ZFC3H1: variants seen among roughly 807,000 people sequenced by gnomAD.
The protein encoded by ZFC3H1 is zinc finger C3H1 domain-containing protein.
ZFC3H1 carries 71 observed loss-of-function variants against 243.7 expected under a neutral mutation model. The observed-to-expected ratio is 0.29, with a 90% CI of 0.24 to 0.36. The LOEUF (loss-of-function observed/expected upper bound fraction) is 0.36. ZFC3H1 is among the 10% of genes least tolerant of loss of function. ZFC3H1 has a pLI of 1.00. For synonymous variants in ZFC3H1, 838 were observed against 813.0 expected, an observed-to-expected ratio of 1.03 and a Z score of -0.52; for missense variants, 1,966 against 2,317.1, an observed-to-expected ratio of 0.85 and a Z score of 3.11.
rs1880164113 is a variant in ZFC3H1 at position 71,626,265 on chromosome 12, A to C, written c.4312T>G (p.Trp1438Gly). 1 of 1,613,330 alleles carries C rather than the reference A, an allele frequency of 6.2e-7. No individual in the cohort carries two copies. The highest frequency in any genetic ancestry group is 8.5e-7 in the Non-Finnish European group (1 of 1,179,722). ...VEYAPDYQSF[W>G]TFLHLESTFE... is the part of the protein sequence containing the mutation. ...ACGTTATCTTTTCTACTCACAGTCCAAAAGCTTTGATAATCTGGAGCATAT... is the reference window on the plus strand; with the variant it reads ...ACGTTATCTTTTCTACTCACAGTCCCAAAGCTTTGATAATCTGGAGCATAT... The change falls in exon 22 of 35, where the codon TGG becomes GGG. Residue 1438 changes from tryptophan to glycine, a missense_variant. Trp to Gly is a radical substitution (Grantham distance 184). Around this residue, in one of 4 missense-constraint regions of ZFC3H1, gnomAD observed 1,383 missense variants for 1,723.7 expected, o/e 0.80. Transcript: ENST00000378743.
intron 33 of ZFC3H1, 64 bp downstream of exon 33, chr12:71,610,994 A>C: frequency 1.3e-6 from 2 of 1,566,986 alleles, no homozygotes; most frequent in South Asian, 1.2e-5. Flanking sequence ...TAAATTGAGA[A>C]GTCAACAAAA....
Position 71,611,921 on chromosome 12 carries a change from T to C in ZFC3H1, c.5628-34A>G, listed in dbSNP as rs758669399. 1.5e-5 allele frequency: 21 copies of C among 1,429,914 alleles called. No individual in the cohort carries two copies. Among genetic ancestry groups the C allele is most frequent in the East Asian group, 2.5e-5 (1 of 40,698 alleles). The allele number at this position is 1,429,914 out of a possible 1,614,324, so 88.6% of individuals were successfully genotyped here. A position where few individuals can be genotyped will look rare whatever the true frequency, so the allele number is the denominator to read the frequency against. ...TACATTCAGGAAAATGAACAAAGCA[T>C]TGCAAGTGTAACGAACCCCAAATGT... On this transcript the variant is annotated intron_variant, in intron 31 of 34. Transcript: ENST00000378743.
At chr12:71,639,295 T>C (rs1054551203) in intron 6 of ZFC3H1, 1 of 159,664 alleles carries the variant, frequency 6.3e-6, no homozygotes, top group African/African-American at 2.4e-5. Context: ...CCACATGCCT[T>C]ATATGGGGTT....
intron 19 of ZFC3H1, among the ~76,000 whole-genome samples, chr12:71,629,327 C>T (rs1413887937): frequency 2.0e-5 from 3 of 151,700 alleles, no homozygotes; most frequent in African/African-American, 4.8e-5. Flanking sequence ...CACCACCACC[C>T]GGCTAATTTT....
chr12:71,657,044 C>T lies in ZFC3H1; in HGVS notation c.856G>A (p.Ala286Thr). The stretch of plus-strand genomic sequence containing the variant: ...TTGACTTGTGTTTTCTCCTCAGGAG[C>T]TACTTCTTTACTTGAATCCTTTGTA... ...SITKDSSKEV[A>T]PEEKTQVKTF... The change falls in exon 2 of 35, where the codon GCT (alanine) becomes ACT (threonine). Residue 286 changes from alanine (A) to threonine (T), a missense_variant. Physicochemically the swap from Ala to Thr is moderately conservative, Grantham distance 58 (BLOSUM62 0). Coordinates refer to ENST00000378743, the MANE Select transcript of ZFC3H1 (RefSeq NM_144982.5). 1 of 1,613,824 alleles carries T rather than the reference C, an allele frequency of 6.2e-7. No homozygotes were observed. The highest frequency in any genetic ancestry group is 8.5e-7 in the Non-Finnish European group (1 of 1,179,914).
intron 5 of ZFC3H1, 110 bp from the exon 6 acceptor site, chr12:71,642,669 T>G: frequency 1.6e-6 from 2 of 1,287,296 alleles, no homozygotes; most frequent in Non-Finnish European, 2.1e-6. Context: ...TCATGGTGAT[T>G]CAGTTAGATG....
Position 71,633,441 on chromosome 12 carries a change from A to G in ZFC3H1, c.2511-3T>C. The G allele has an allele frequency of 7.8e-6, 12 of 1,544,814 alleles. No homozygotes were observed. Among genetic ancestry groups the G allele is most frequent in the Non-Finnish European group, 1.0e-5 (12 of 1,148,992 alleles). ...ATTCATCTTTCATCAAGAGAATCCT[A>G]AATGAGAAATAACAAAATTCTTGTT... On this transcript the variant is annotated splice_region_variant and splice_polypyrimidine_tract_variant and intron_variant, in intron 12 of 34. Transcript: ENST00000378743.
At position 71,628,992 on chromosome 12, in the gene ZFC3H1, T is replaced by A. The variant is rs373187713; in HGVS notation, c.3872A>T (p.Lys1291Met). Residue 1291 changes from lysine to methionine, a missense_variant, in exon 20 of 35, where the codon AAG becomes ATG. This residue lies in a region of ZFC3H1 where 1,383 missense variants were observed against 1,723.7 expected (regional missense o/e 0.80). Coordinates refer to ENST00000378743, the MANE Select transcript of ZFC3H1 (RefSeq NM_144982.5). The part of the protein sequence containing the change: ...TYKDKRKWKP[K>M]FWRKPISDNS... ...ATCTGAAATAGGTTTTCTCCAAAACTTTGGCTTCCACTTTCTTTTATCTTT... is the reference window on the plus strand; with the variant it reads ...ATCTGAAATAGGTTTTCTCCAAAACATTGGCTTCCACTTTCTTTTATCTTT... The A allele has an allele frequency of 1.9e-6, 3 of 1,613,316 alleles. No homozygotes were observed. The African/African-American group carries it at 4.0e-5, about 22-fold the overall frequency.
In ZFC3H1 at chr12:71,638,505, T is replaced by C. The variant is rs377207076; in HGVS notation, c.1638A>G (p.Pro546=). The C allele has an allele frequency of 2.4e-4, 382 of 1,604,920 alleles. 4 individuals carry two copies. The South Asian group carries it at 2.5e-3, about 10-fold the overall frequency. Residue 546 remains proline (P), a synonymous_variant, in exon 7 of 35, where the codon CCA becomes CCG. Transcript: ENST00000378743. ...ATTCAGAGAAAAATGGCGGTTGCAC[T>C]GGTGAAGGAGCTGTAAAAAAATTTT... is the stretch of plus-strand genomic sequence containing the variant. ...DSETSSPAPS[P]VQPPFFSECS... is the part of the protein sequence containing the mutation.
intron 21 of ZFC3H1, 135 bp downstream of exon 21, chr12:71,627,616 C>T (rs1193490761): frequency 8.9e-6 from 7 of 789,234 alleles, no homozygotes; most frequent in South Asian, 6.0e-5. Context: ...CAATAAAATG[C>T]TTTTGGCTTT....
At chr12:71,644,802 G>A in intron 4 of ZFC3H1, 75 bp downstream of exon 4, 4 of 1,525,552 alleles carry the variant, frequency 2.6e-6, no homozygotes, top group Non-Finnish European at 3.5e-6. Context: ...TGGGCGACAA[G>A]AGCAAAACTC....
At chr12:71,642,400 T>C (rs1369838604) in intron 6 of ZFC3H1, 36 bp downstream of exon 6, 3 of 1,595,994 alleles carry the variant, frequency 1.9e-6, no homozygotes, top group Non-Finnish European at 2.6e-6. Flanking sequence ...ATTTAATACA[T>C]GTAAATACAC....
At chr12:71,629,129 C>T (rs920993310) in intron 19 of ZFC3H1, 92 bp from the exon 20 acceptor site, 11 of 967,510 alleles carry the variant, frequency 1.1e-5, no homozygotes, top group African/African-American at 1.7e-5. Context: ...AGAAGAACTA[C>T]ATTCACTCCA....
rs543517245 is a variant in ZFC3H1 at position 71,628,750 on chromosome 12, C to T, written c.3946+168G>A. On this transcript the variant is annotated intron_variant, in intron 20 of 34. Transcript: ENST00000378743. ...AATATCCCGCAATTTCAGAGGCAAT[C>T]CTGCACAGTGAATTAACTGTATTGT... 2.6e-4 allele frequency among the ~76,000 whole-genome samples: 40 copies of T among 152,306 alleles called. No homozygotes were observed. The South Asian group carries it at 5.8e-3, about 22-fold the overall frequency.
At chr12:71,625,998 C>T (rs886627876) in intron 22 of ZFC3H1, among the ~76,000 whole-genome samples, 1 of 152,012 alleles carries the variant, frequency 6.6e-6, no homozygotes, top group Admixed American at 6.6e-5. Flanking sequence ...AAATTTTTAA[C>T]AATTTTACAT....
rs76661268 is a variant in ZFC3H1 at position 71,660,322 on chromosome 12, T to G, written c.598+2691A>C. 6.4e-3 allele frequency: 976 copies of G among 152,316 alleles called. 12 individuals carry two copies. Among genetic ancestry groups the G allele is most frequent in the African/African-American group, 0.022 (931 of 41,578 alleles). The allele number at this position is 152,316 out of a possible 1,614,324, so 9.4% of individuals were successfully genotyped here. A position where few individuals can be genotyped will look rare whatever the true frequency, so the allele number is the denominator to read the frequency against. ...AAAGTAGCTGGGAACTACGTTTTCC[T>G]TCTCAAATTCTTAAAAAGAACACCA... On this transcript the variant is annotated intron_variant, in intron 1 of 34. Transcript: ENST00000378743.
intron 5 of ZFC3H1, among the ~76,000 whole-genome samples, chr12:71,643,402 G>C (rs1880649037): frequency 1.3e-5 from 2 of 149,486 alleles, no homozygotes; most frequent in Non-Finnish European, 3.0e-5. Context: ...ACAAGAGTAA[G>C]ACTCCATCTC....
intron 27 of ZFC3H1, among the ~76,000 whole-genome samples, chr12:71,616,727 A>C (rs1879903081): frequency 6.6e-6 from 1 of 152,216 alleles, no homozygotes; most frequent in African/African-American, 2.4e-5. Context: ...GCAAGGGAAC[A>C]AGTCTTAATG....
intron 23 of ZFC3H1, among the ~76,000 whole-genome samples, 192 bp downstream of exon 23, chr12:71,623,912 T>G (rs746337107): frequency 9.2e-5 from 14 of 152,230 alleles, no homozygotes; most frequent in Non-Finnish European, 2.1e-4. Flanking sequence ...CTAAAGATAT[T>G]ACACCCATCA....
Sources: gnomAD v4.1 joint callset for allele counts (sites outside exome capture counted in the v4.1 genomes callset) on GRCh38, gnomAD v4.1.1 for gene constraint, gnomAD v4.1.1 regional missense constraint, MANE v1.5 for transcripts, NCBI Gene and HGNC (gene_info 2026-07-23, HGNC 2026-07-21) for gene names.